PEX5: variants seen among roughly 807,000 people sequenced by gnomAD.
PEX5 encodes peroxisomal biogenesis factor 5, also known as PTS1 receptor.
A neutral mutation model predicts 82.9 loss-of-function variants in PEX5; 52 were observed. That is an observed-to-expected ratio of 0.63 (90% CI 0.50 to 0.79). The LOEUF (loss-of-function observed/expected upper bound fraction) is 0.79, where lower values mean the gene tolerates loss of function less well. PEX5 is among the 30% of genes least tolerant of loss of function. The pLI, the probability that PEX5 is intolerant of heterozygous loss-of-function variation, is 0.00. For synonymous variants in PEX5, 300 were observed against 318.8 expected, an observed-to-expected ratio of 0.94 and a Z score of 0.63; for missense variants, 719 against 815.2, an observed-to-expected ratio of 0.88 and a Z score of 1.44.
chr12:7,191,094 C>T (rs887438408), intron 3 of PEX5, 132 bp from the exon 4 acceptor site: 2 of 1,195,274 alleles, frequency 1.7e-6, no homozygotes, highest in Non-Finnish European at 2.5e-6. Context: ...AAGACAGTTT[C>T]TCTTTATGTG....
In PEX5 at chr12:7,210,314, C is replaced by A; in HGVS notation, c.*91C>A. 1.6e-6 allele frequency: 2 copies of A among 1,246,060 alleles called. No homozygotes were observed. The highest frequency in any genetic ancestry group is 2.3e-6 in the Non-Finnish European group (2 of 855,404). 77.2% of individuals were successfully genotyped at this position (1,246,060 alleles called of 1,614,324 possible). Reference sequence around the variant, plus strand: ...TCCCCAAATGGGCCTACCAAGGGGGCGGGCTGATGACCATAAGCGGTACGG... The same window carrying A: ...TCCCCAAATGGGCCTACCAAGGGGGAGGGCTGATGACCATAAGCGGTACGG... On this transcript the variant is annotated 3_prime_UTR_variant, in exon 16 of 16. Coordinates refer to ENST00000675855, the MANE Select transcript of PEX5 (RefSeq NM_001351132.2).
At chr12:7,209,355 C>T (rs896726776) in intron 14 of PEX5, among the ~76,000 whole-genome samples, 185 bp downstream of exon 14, 2 of 151,962 alleles carry the variant, frequency 1.3e-5, no homozygotes, top group African/African-American at 4.8e-5. Flanking sequence ...CCCTGCCCAC[C>T]CCCACAAAAA....
chr12:7,189,305 G>A (rs1370504044), upstream of PEX5: 1 of 152,406 alleles, frequency 6.6e-6, no homozygotes, highest in South Asian at 2.1e-4. Flanking sequence ...ATTTTAGAGG[G>A]GAAAACTGAG....
intron 12 of PEX5, 51 bp from the exon 13 acceptor site, chr12:7,208,406 G>A (rs1456549574): frequency 1.4e-6 from 2 of 1,391,910 alleles, no homozygotes; most frequent in Non-Finnish European, 2.0e-6. Flanking sequence ...GCTCACATGT[G>A]CCAGTGTCAG....
chr12:7,217,396 A>G (rs1382234852), intron 17 of PEX5, among the ~76,000 whole-genome samples: 1 of 152,230 alleles, frequency 6.6e-6, no homozygotes, highest in Non-Finnish European at 1.5e-5. Flanking sequence ...TCACCGGGGA[A>G]CATTCATGGG....
At chr12:7,211,963 T>C (rs868491010), downstream of PEX5, among the ~76,000 whole-genome samples, 2,210 of 96,512 alleles carry the variant, frequency 0.023, 47 homozygotes, top group African/African-American at 0.076. Context: ...AAATTTTTTT[T>C]TTTTTGTTTT....
chr12:7,207,507 A>G (rs1157966961), intron 10 of PEX5, 152 bp from the exon 11 acceptor site: 2 of 766,432 alleles, frequency 2.6e-6, no homozygotes, highest in South Asian at 1.4e-5. Context: ...TGTGTCATAC[A>G]TGATCTTTAT....
intron 5 of PEX5, among the ~76,000 whole-genome samples, chr12:7,197,649 A>G (rs756394905): frequency 6.6e-6 from 1 of 151,792 alleles, no homozygotes; most frequent in Admixed American, 6.6e-5. Context: ...TCATGCTCAG[A>G]TTTTGAGACT....
Position 7,208,102 on chromosome 12 carries a change from G to T in PEX5, c.1181+22G>T, listed in dbSNP as rs750659384. On this transcript the variant is annotated intron_variant, in intron 12 of 15. Coordinates refer to ENST00000675855, the MANE Select transcript of PEX5 (RefSeq NM_001351132.2). ...GGAGGTGAGTACACTGAAAGGTGTG[G>T]GTGAGGTGCTTCCAAGGCTCTGCAT... 3.2e-6 allele frequency: 5 copies of T among 1,565,726 alleles called. No individual in the cohort carries two copies. In the East Asian group the frequency reaches 9.0e-5, roughly 28 times the overall value.
Position 7,208,320 on chromosome 12 carries a change from A to T in PEX5, c.1182-137A>T, listed in dbSNP as rs1479228397. On this transcript the variant is annotated intron_variant, in intron 12 of 15. Coordinates refer to ENST00000675855, the MANE Select transcript of PEX5 (RefSeq NM_001351132.2). ...TTCCCCTTAGATCTGTAACTTTATT[A>T]TTAACTCATGTCAGAGGAGTCACAG... 6 of 758,924 alleles carry T rather than the reference A, an allele frequency of 7.9e-6. No individual in the cohort carries two copies. In the East Asian group the frequency reaches 1.6e-4, roughly 20 times the overall value. 47.0% of individuals were successfully genotyped at this position (758,924 alleles called of 1,614,324 possible).
Position 7,191,545 on chromosome 12 carries a change from A to G in PEX5, c.317-24A>G, listed in dbSNP as rs754908300. The G allele has an allele frequency of 3.7e-6, 6 of 1,613,156 alleles. No homozygotes were observed. The East Asian group carries it at 6.7e-5, about 18-fold the overall frequency. ...GAATGGTATGTATGTATTCTTTCTT[A>G]GTTTTCTCTCTCTCTCTTTTAAGCC... On this transcript the variant is annotated intron_variant, in intron 4 of 15. Transcript: ENST00000675855.
chr12:7,199,077 G>C lies in PEX5; in HGVS notation c.515G>C (p.Trp172Ser). The C allele has an allele frequency of 6.2e-7, 1 of 1,609,232 alleles. No individual in the cohort carries two copies. The highest frequency in any genetic ancestry group is 2.2e-5 in the East Asian group (1 of 44,712). The change falls in exon 6 of 16, where the codon TGG (tryptophan) becomes TCG (serine). Residue 172 changes from tryptophan (W) to serine (S), a missense_variant. Physicochemically the swap from Trp to Ser is radical, Grantham distance 177. Transcript: ENST00000675855. ...EYLEQSEEKL[W>S]LGEPEGTATD... ...TTGGAGCAATCAGAGGAGAAGCTGT[G>C]GCTGGGAGAACCTGAGGGAACAGCC...
rs1491309819 is a variant in PEX5, at chr12:7,210,353, G to GTA, written c.*130_*131insTA. ...TAAGCGGTACGGCCTTTCAGGAGCTGCCTCAACGTAGGGGTGGGTAGTCTG... is the reference window on the plus strand; with the variant it reads ...TAAGCGGTACGGCCTTTCAGGAGCTGTACCTCAACGTAGGGGTGGGTAGTCTG... On this transcript the variant is annotated 3_prime_UTR_variant, in exon 16 of 16. Coordinates refer to ENST00000675855, the MANE Select transcript of PEX5 (RefSeq NM_001351132.2). The GTA allele has an allele frequency of 4.9e-6, 4 of 814,572 alleles. No individual in the cohort carries two copies. The highest frequency in any genetic ancestry group is 6.3e-6 in the Non-Finnish European group (3 of 478,940). The allele number at this position is 814,572 out of a possible 1,614,324, so 50.5% of individuals were successfully genotyped here. A position where few individuals can be genotyped will look rare whatever the true frequency, so the allele number is the denominator to read the frequency against.
chr12:7,197,274 TATATA>T (rs772309656), intron 5 of PEX5, among the ~76,000 whole-genome samples: 2 of 135,318 alleles, frequency 1.5e-5, no homozygotes, highest in East Asian at 2.2e-4. Context: ...ATATATGTCA[TATATA>T]ATGTAATAAT....
Position 7,191,074 on chromosome 12 carries a change from A to G in PEX5, c.183+151A>G. 4 of 1,206,578 alleles carry G rather than the reference A, an allele frequency of 3.3e-6. No homozygotes were observed. In the South Asian group the frequency reaches 4.9e-5, roughly 15 times the overall value. 74.7% of individuals were successfully genotyped at this position (1,206,578 alleles called of 1,614,324 possible). On this transcript the variant is annotated intron_variant, in intron 3 of 15. Coordinates refer to ENST00000675855, the MANE Select transcript of PEX5 (RefSeq NM_001351132.2). ...TTAAATGTATTTTTTCGTCCTTCTAAATCTATGGAAAGACAGTTTCTCTTT... is the reference window on the plus strand; with the variant it reads ...TTAAATGTATTTTTTCGTCCTTCTAGATCTATGGAAAGACAGTTTCTCTTT...
downstream of PEX5, among the ~76,000 whole-genome samples, chr12:7,212,366 A>G (rs1051797655): frequency 2.6e-5 from 4 of 151,070 alleles, no homozygotes; most frequent in African/African-American, 9.7e-5. Context: ...GCCTCAAGGA[A>G]TCCTGCCTCA....
Position 7,210,257 on chromosome 12 carries a change from G to A in PEX5, c.*34G>A, listed in dbSNP as rs745511596. 1 of 1,595,908 alleles carries A rather than the reference G, an allele frequency of 6.3e-7. No homozygotes were observed. Among genetic ancestry groups the A allele is most frequent in the Admixed American group, 1.7e-5 (1 of 60,020 alleles). On this transcript the variant is annotated 3_prime_UTR_variant, in exon 16 of 16. Coordinates refer to ENST00000675855, the MANE Select transcript of PEX5 (RefSeq NM_001351132.2). ...CGGGCTGCCCTGTGAGTGTCCACCT[G>A]GAGGGATCCCCGCTTTGGATGTGAT... is the stretch of plus-strand genomic sequence containing the variant.
intron 10 of PEX5, among the ~76,000 whole-genome samples, chr12:7,203,878 C>T (rs1461096162): frequency 6.6e-6 from 1 of 152,168 alleles, no homozygotes; most frequent in Admixed American, 6.5e-5. Context: ...TTTGAGAAGA[C>T]TGCTGACTCC....
At chr12:7,206,574 A>G (rs1428866034) in intron 10 of PEX5, among the ~76,000 whole-genome samples, 1 of 118,928 alleles carries the variant, frequency 8.4e-6, no homozygotes, top group Non-Finnish European at 2.0e-5. Context: ...TTTATCTCAA[A>G]TCTACTATAA....
Sources: gnomAD v4.1 joint callset for allele counts (sites outside exome capture counted in the v4.1 genomes callset) on GRCh38, gnomAD v4.1.1 for gene constraint, MANE v1.5 for transcripts, NCBI Gene and HGNC (gene_info 2026-07-23, HGNC 2026-07-21) for gene names.